The following PRKCE variants were observed in gnomAD, a reference collection of about 807,000 sequenced individuals.
PRKCE encodes protein kinase C epsilon type.
Under a neutral mutation model 85.4 loss-of-function variants are expected in PRKCE, and 16 were observed. The observed-to-expected ratio is 0.19, with a 90% CI of 0.13 to 0.28. The LOEUF is 0.28. Among genes scored for constraint, PRKCE ranks in the 10% least tolerant of loss-of-function variants. PRKCE has a pLI of 1.00. For synonymous variants in PRKCE, 388 were observed against 371.5 expected, an observed-to-expected ratio of 1.04 and a Z score of -0.51; for missense variants, 573 against 975.2, an observed-to-expected ratio of 0.59 and a Z score of 5.49.
chr2:46,097,332 C>T (rs1396921497), intron 11 of PRKCE, among the ~76,000 whole-genome samples: 3 of 151,746 alleles, frequency 2.0e-5, no homozygotes, highest in Non-Finnish European at 1.5e-5. Context: ...TCCTGGCTAA[C>T]GCGGGGAAAC....
At chr2:45,655,167 A>G (rs1558529403) in intron 1 of PRKCE, among the ~76,000 whole-genome samples, 1 of 152,128 alleles carries the variant, frequency 6.6e-6, no homozygotes, top group Non-Finnish European at 1.5e-5. Context: ...GGCCATCCAG[A>G]GGAAAATGAG....
In PRKCE at chr2:46,158,092, T is replaced by C. The variant is rs548613289; in HGVS notation, c.1921-1514T>C. The stretch of plus-strand genomic sequence containing the variant: ...TGAGTGTACAGTGGGAACCAGGCAC[T>C]GAGCCAGGTTTGGGGCAGATAAGAC... On this transcript the variant is annotated intron_variant, in intron 13 of 14. Transcript: ENST00000306156. 7.9e-5 allele frequency among the ~76,000 whole-genome samples: 12 copies of C among 152,332 alleles called. 1 individual carries two copies. The East Asian group carries it at 2.1e-3, about 27-fold the overall frequency.
intron 2 of PRKCE, among the ~76,000 whole-genome samples, chr2:45,849,834 G>T (rs1692103799): frequency 6.6e-6 from 1 of 152,186 alleles, no homozygotes; most frequent in African/African-American, 2.4e-5. Context: ...GACCCAGGGA[G>T]CAAGCCTCTG....
chr2:46,119,388 T>C (rs934778768), intron 11 of PRKCE, among the ~76,000 whole-genome samples: 6 of 152,150 alleles, frequency 3.9e-5, no homozygotes, highest in Non-Finnish European at 1.5e-5. Context: ...AGCTAAATGA[T>C]GTCACTTAAT....
At chr2:45,772,159 G>A (rs1446765781) in intron 1 of PRKCE, among the ~76,000 whole-genome samples, 1 of 152,056 alleles carries the variant, frequency 6.6e-6, no homozygotes, top group Non-Finnish European at 1.5e-5. Context: ...ACATGCTGGT[G>A]CCTAATTTTG....
At chr2:45,707,239 G>A (rs1386666972) in intron 1 of PRKCE, among the ~76,000 whole-genome samples, 1 of 152,214 alleles carries the variant, frequency 6.6e-6, no homozygotes, top group African/African-American at 2.4e-5. Flanking sequence ...TGCAGCCCAG[G>A]CCTGTGCATC....
chr2:46,005,148 G>A (rs1705067070), intron 8 of PRKCE, among the ~76,000 whole-genome samples: 1 of 152,184 alleles, frequency 6.6e-6, no homozygotes, highest in South Asian at 2.1e-4. Context: ...GAAGCTAGAG[G>A]AGAGACTGAG....
At chr2:45,964,066 A>G (rs1284768641) in intron 2 of PRKCE, among the ~76,000 whole-genome samples, 1 of 152,234 alleles carries the variant, frequency 6.6e-6, no homozygotes, top group Admixed American at 6.5e-5. Context: ...TACGAACAGC[A>G]CTGGAAGGGT....
At chr2:45,671,028 A>C (rs949871519) in intron 1 of PRKCE, among the ~76,000 whole-genome samples, 8 of 152,186 alleles carry the variant, frequency 5.3e-5, no homozygotes, top group African/African-American at 1.9e-4. Context: ...ATGCCCTGTA[A>C]TACAAGGCGG....
intron 1 of PRKCE, among the ~76,000 whole-genome samples, chr2:45,833,237 G>A (rs955730074): frequency 2.0e-5 from 3 of 152,104 alleles, no homozygotes; most frequent in Non-Finnish European, 2.9e-5. Flanking sequence ...ATACTACAGG[G>A]ACAGAAAATT....
intron 1 of PRKCE, among the ~76,000 whole-genome samples, chr2:45,659,918 A>G (rs1323325342): frequency 3.3e-5 from 5 of 151,330 alleles, no homozygotes; most frequent in Non-Finnish European, 7.4e-5. Context: ...GTTTATTTCT[A>G]ATACCAGAAC....
Position 45,818,725 on chromosome 2 carries a change from AGGT to A in PRKCE, c.349-24272_349-24270del, listed in dbSNP as rs1247203906. ...TGACCACAGCAGTTTTAACACGAGG[AGGT>A]GGAGACCTGTTTTTGATCATTTTAA... On this transcript the variant is annotated intron_variant, in intron 1 of 14. Transcript: ENST00000306156. Among the ~76,000 whole-genome samples the A allele has an allele frequency of 2.6e-5, 4 of 152,328 alleles. No individual in the cohort carries two copies. The East Asian group carries it at 7.7e-4, about 29-fold the overall frequency.
intron 13 of PRKCE, among the ~76,000 whole-genome samples, chr2:46,158,496 C>T (rs1330328976): frequency 3.9e-5 from 6 of 152,154 alleles, no homozygotes; most frequent in African/African-American, 7.2e-5. Flanking sequence ...CTACTCTCCA[C>T]CCCTTTCACT....
chr2:45,715,096 A>G (rs1679978237), intron 1 of PRKCE, among the ~76,000 whole-genome samples: 1 of 152,214 alleles, frequency 6.6e-6, no homozygotes, highest in Admixed American at 6.5e-5. Flanking sequence ...CAGGCAGGCA[A>G]CTCGGAGCTG....
chr2:46,061,716 C>T (rs1175307693), intron 10 of PRKCE, among the ~76,000 whole-genome samples: 1 of 152,120 alleles, frequency 6.6e-6, no homozygotes, highest in Non-Finnish European at 1.5e-5. Flanking sequence ...TCCCCTAGTT[C>T]CTGGGAGAAA....
At chr2:45,823,586 C>T (rs192738596) in intron 1 of PRKCE, among the ~76,000 whole-genome samples, 2 of 152,274 alleles carry the variant, frequency 1.3e-5, no homozygotes, top group African/African-American at 2.4e-5. Context: ...GCAAGAAAGT[C>T]GGGGGTAGGG....
chr2:45,687,250 A>G (rs1208899851), intron 1 of PRKCE, among the ~76,000 whole-genome samples: 1 of 152,208 alleles, frequency 6.6e-6, no homozygotes, highest in African/African-American at 2.4e-5. Flanking sequence ...TTTATAAAGT[A>G]TTCTAATAAA....
chr2:45,931,098 C>G (rs1699012134), intron 2 of PRKCE, among the ~76,000 whole-genome samples: 1 of 152,212 alleles, frequency 6.6e-6, no homozygotes, highest in Non-Finnish European at 1.5e-5. Flanking sequence ...ATGACTTGCC[C>G]AGGATCCATC....
At chr2:45,941,297 A>G (rs1339313956) in intron 2 of PRKCE, among the ~76,000 whole-genome samples, 3 of 152,134 alleles carry the variant, frequency 2.0e-5, no homozygotes, top group Non-Finnish European at 2.9e-5. Context: ...ATGTGCAGTG[A>G]CCAGAGCTTA....
Sources: allele counts gnomAD v4.1 joint callset (sites outside exome capture counted in the v4.1 genomes callset), GRCh38; gene constraint gnomAD v4.1.1; transcripts MANE v1.5; gene names NCBI Gene and HGNC (gene_info 2026-07-23, HGNC 2026-07-21).